TSHZ2: variants seen among roughly 807,000 people sequenced by gnomAD.
TSHZ2 encodes teashirt homolog 2.
A neutral mutation model predicts 74.4 loss-of-function variants in TSHZ2; 21 were observed. The ratio of observed to expected loss-of-function variants is 0.28; its 90% CI spans 0.20 to 0.41. TSHZ2 has a LOEUF of 0.41. Among genes scored for constraint, TSHZ2 ranks in the 10% least tolerant of loss-of-function variants. The pLI is 1.00. For missense variants in TSHZ2, 1,244 were observed against 1,293.5 expected (o/e 0.96, Z 0.59); for synonymous variants, 540 against 515.3 (o/e 1.05, Z -0.65).
chr20:53,467,496 A>C (rs1032003385), intron 2 of TSHZ2, among the ~76,000 whole-genome samples: 1 of 152,256 alleles, frequency 6.6e-6, no homozygotes, highest in Admixed American at 6.5e-5. Flanking sequence ...AATAGAAATC[A>C]TTAAAGATAT....
intron 2 of TSHZ2, among the ~76,000 whole-genome samples, chr20:53,435,716 T>C (rs1232069936): frequency 6.6e-6 from 1 of 152,206 alleles, no homozygotes; most frequent in Non-Finnish European, 1.5e-5. Context: ...GGATTCACCA[T>C]ATTGGTCAGG....
intron 1 of TSHZ2, among the ~76,000 whole-genome samples, chr20:53,140,319 T>A (rs964537793): frequency 2.0e-5 from 3 of 151,870 alleles, no homozygotes; most frequent in Non-Finnish European, 4.4e-5. Context: ...GGCGGGCAGA[T>A]CACGAGGTCA....
intron 1 of TSHZ2, among the ~76,000 whole-genome samples, chr20:52,983,288 G>C (rs748025322): frequency 3.3e-5 from 5 of 152,188 alleles, no homozygotes. Context: ...GTGATAATTA[G>C]ATTATGTGAC....
intron 1 of TSHZ2, among the ~76,000 whole-genome samples, chr20:53,157,475 T>A (rs1284278403): frequency 1.3e-5 from 2 of 151,594 alleles, no homozygotes; most frequent in Non-Finnish European, 2.9e-5. Context: ...GGCATGATTG[T>A]AGCTCACTGC....
At chr20:53,381,372 G>T (rs1373636775) in intron 2 of TSHZ2, among the ~76,000 whole-genome samples, 3 of 152,124 alleles carry the variant, frequency 2.0e-5, no homozygotes, top group Non-Finnish European at 4.4e-5. Flanking sequence ...AATATCATTT[G>T]CTGGAATCCA....
intron 1 of TSHZ2, among the ~76,000 whole-genome samples, chr20:53,024,632 G>T (rs1169295825): frequency 6.6e-6 from 1 of 151,926 alleles, no homozygotes; most frequent in Non-Finnish European, 1.5e-5. Context: ...TTCTCCTAAT[G>T]TTATCCCTCT....
intron 2 of TSHZ2, among the ~76,000 whole-genome samples, chr20:53,326,397 T>C (rs1173277101): frequency 1.3e-5 from 2 of 152,242 alleles, no homozygotes; most frequent in Non-Finnish European, 2.9e-5. Flanking sequence ...TCTCAGGCCA[T>C]AGATAGTTAA....
intron 2 of TSHZ2, chr20:53,421,596 G>A (rs1983466502): frequency 4.9e-6 from 1 of 202,894 alleles, no homozygotes; most frequent in Non-Finnish European, 1.0e-5. Context: ...GCCAGGGAGA[G>A]CTTTGGGCCA....
At chr20:53,025,604 A>G (rs188697300) in intron 1 of TSHZ2, among the ~76,000 whole-genome samples, 111 of 152,224 alleles carry the variant, frequency 7.3e-4, no homozygotes, top group Non-Finnish European at 9.7e-4. Context: ...GGCAGATGAC[A>G]CCTTCACATC....
intron 1 of TSHZ2, among the ~76,000 whole-genome samples, chr20:52,983,118 C>T (rs1196211607): frequency 2.0e-5 from 3 of 152,182 alleles, no homozygotes; most frequent in South Asian, 2.1e-4. Context: ...TGATGGATGA[C>T]ATGGCGAGGC....
chr20:53,365,321 G>A (rs1314002123), intron 2 of TSHZ2, among the ~76,000 whole-genome samples: 1 of 152,158 alleles, frequency 6.6e-6, no homozygotes, highest in Non-Finnish European at 1.5e-5. Context: ...GTGTGATGGT[G>A]TCTGTAACAG....
At chr20:53,435,505 C>CT (rs906385072) in intron 2 of TSHZ2, among the ~76,000 whole-genome samples, 18 of 152,094 alleles carry the variant, frequency 1.2e-4, no homozygotes, top group African/African-American at 4.3e-4. Flanking sequence ...TAACAGGGAA[C>CT]TTTTTTTAAA....
At chr20:53,331,634 C>A (rs1979726389) in intron 2 of TSHZ2, among the ~76,000 whole-genome samples, 1 of 152,156 alleles carries the variant, frequency 6.6e-6, no homozygotes, top group Non-Finnish European at 1.5e-5. Context: ...ACCACCATGG[C>A]TCAACGGAAG....
At chr20:53,342,955 CTTTTTTTTTT>C (rs1175907478) in intron 2 of TSHZ2, among the ~76,000 whole-genome samples, 14 of 61,220 alleles carry the variant, frequency 2.3e-4, no homozygotes, top group East Asian at 5.2e-4. Flanking sequence ...CTTTTCTTTT[CTTTTTTTTTT>C]TTTTTTTTTT....
intron 1 of TSHZ2, among the ~76,000 whole-genome samples, chr20:53,134,845 A>G (rs1019037394): frequency 6.6e-6 from 1 of 151,274 alleles, no homozygotes; most frequent in African/African-American, 2.4e-5. Flanking sequence ...CTGCTATCCC[A>G]CCCCATCCGA....
intron 1 of TSHZ2, among the ~76,000 whole-genome samples, chr20:53,173,465 AG>A (rs1396674880): frequency 6.6e-6 from 1 of 152,078 alleles, no homozygotes; most frequent in Non-Finnish European, 1.5e-5. Flanking sequence ...AAAATTAGCC[AG>A]GCATGGTGGT....
At chr20:53,346,383 G>A (rs375058658) in intron 2 of TSHZ2, among the ~76,000 whole-genome samples, 2 of 152,192 alleles carry the variant, frequency 1.3e-5, no homozygotes, top group Admixed American at 6.5e-5. Flanking sequence ...GGAAGGGAAC[G>A]GCCCTCGAAG....
At chr20:53,461,169 A>G (rs1985350557) in intron 2 of TSHZ2, among the ~76,000 whole-genome samples, 1 of 152,042 alleles carries the variant, frequency 6.6e-6, no homozygotes, top group Non-Finnish European at 1.5e-5. Flanking sequence ...TTGATCTCAG[A>G]CTGCTGTGCT....
intron 2 of TSHZ2, among the ~76,000 whole-genome samples, chr20:53,330,600 G>C (rs1487398970): frequency 6.6e-6 from 1 of 152,158 alleles, no homozygotes; most frequent in Admixed American, 6.5e-5. Flanking sequence ...CATTTAGGTG[G>C]AGATTGTATG....
Sources: gnomAD v4.1 joint callset for allele counts (sites outside exome capture counted in the v4.1 genomes callset) on GRCh38, gnomAD v4.1.1 for gene constraint, MANE v1.5 for transcripts, NCBI Gene and HGNC (gene_info 2026-07-23, HGNC 2026-07-21) for gene names.